AUTS2: variants seen among roughly 807,000 people sequenced by gnomAD.
AUTS2 encodes activator of transcription and developmental regulator AUTS2.
Under a neutral mutation model 112.4 loss-of-function variants are expected in AUTS2, and 17 were observed. The ratio of observed to expected loss-of-function variants is 0.15; its 90% CI spans 0.10 to 0.23. AUTS2 has a LOEUF of 0.23. Ranked by LOEUF, AUTS2 falls within the 10% of genes least tolerant of loss-of-function variation. The pLI is 1.00. For missense variants in AUTS2, 1,510 were observed against 1,701.6 expected, an observed-to-expected ratio of 0.89 and a Z score of 1.98; for synonymous variants, 751 against 702.7, an observed-to-expected ratio of 1.07 and a Z score of -1.09.
chr7:69,911,261 G>A (rs541359320), intron 2 of AUTS2, among the ~76,000 whole-genome samples: 1 of 152,164 alleles, frequency 6.6e-6, no homozygotes, highest in East Asian at 1.9e-4. Context: ...GGGCACCCCT[G>A]TCTGGATGAG....
At chr7:69,924,757 G>A (rs1259418521) in intron 2 of AUTS2, among the ~76,000 whole-genome samples, 3 of 151,920 alleles carry the variant, frequency 2.0e-5, no homozygotes, top group Non-Finnish European at 4.4e-5. Flanking sequence ...CTCCCTGTTG[G>A]TCAGGCTGGT....
At chr7:70,566,356 G>A (rs1801708271) in intron 5 of AUTS2, among the ~76,000 whole-genome samples, 1 of 152,168 alleles carries the variant, frequency 6.6e-6, no homozygotes, top group Non-Finnish European at 1.5e-5. Flanking sequence ...TCCCTGGCCA[G>A]CTTCTACTGG....
At chr7:70,005,832 G>A (rs1437686790) in intron 2 of AUTS2, among the ~76,000 whole-genome samples, 1 of 150,838 alleles carries the variant, frequency 6.6e-6, no homozygotes, top group Non-Finnish European at 1.5e-5. Flanking sequence ...TATATTTTAT[G>A]TGCATGTTCC....
chr7:69,778,608 C>G (rs1193363215), intron 1 of AUTS2, among the ~76,000 whole-genome samples: 1 of 152,022 alleles, frequency 6.6e-6, no homozygotes, highest in Admixed American at 6.6e-5. Flanking sequence ...GTGGACAGAC[C>G]AGAGGAGTTA....
intron 1 of AUTS2, among the ~76,000 whole-genome samples, chr7:69,838,197 A>G (rs1190670440): frequency 2.0e-5 from 3 of 152,200 alleles, no homozygotes; most frequent in Admixed American, 6.5e-5. Context: ...TCAGTGGTCA[A>G]TATTTGAAGT....
chr7:70,701,224 A>C (rs1470192267), intron 6 of AUTS2, among the ~76,000 whole-genome samples: 2 of 152,178 alleles, frequency 1.3e-5, no homozygotes, highest in African/African-American at 4.8e-5. Flanking sequence ...GGGCAGTGCT[A>C]ATCTCACAAG....
intron 5 of AUTS2, among the ~76,000 whole-genome samples, chr7:70,517,162 G>A (rs13230725): frequency 0.24 from 35,997 of 151,962 alleles, 4,396 homozygotes; most frequent in Middle Eastern, 0.35. Flanking sequence ...GTATATAACC[G>A]GACTTGAAAG....
chr7:70,616,040 C>T (rs569878230), intron 5 of AUTS2, among the ~76,000 whole-genome samples: 7 of 152,320 alleles, frequency 4.6e-5, no homozygotes, highest in South Asian at 4.1e-4. Context: ...CCACCACATG[C>T]AGCCCAGAAA....
Position 70,351,327 on chromosome 7 carries a change from T to G in AUTS2, c.661-84425T>G, listed in dbSNP as rs549762142. On this transcript the variant is annotated intron_variant, in intron 4 of 18. Transcript: ENST00000342771. ...CCTCAGCCTCCCAAAGTGTCTGGATTATAGGCGTGAGGCACCGCGCCCAGC... is the reference window on the plus strand; with the variant it reads ...CCTCAGCCTCCCAAAGTGTCTGGATGATAGGCGTGAGGCACCGCGCCCAGC... Among the ~76,000 whole-genome samples the G allele has an allele frequency of 2.0e-5, 3 of 152,312 alleles. No homozygotes were observed. In the South Asian group the frequency reaches 6.2e-4, roughly 32 times the overall value.
At chr7:69,995,265 C>T (rs1422933833) in intron 2 of AUTS2, among the ~76,000 whole-genome samples, 1 of 152,044 alleles carries the variant, frequency 6.6e-6, no homozygotes, top group Non-Finnish European at 1.5e-5. Context: ...TTTTACTCTC[C>T]CTACCCCTAA....
intron 2 of AUTS2, among the ~76,000 whole-genome samples, chr7:70,048,972 C>T (rs1383718109): frequency 6.6e-6 from 1 of 152,042 alleles, no homozygotes; most frequent in Non-Finnish European, 1.5e-5. Context: ...AGTAAGTAGT[C>T]ATGTTTTGTG....
chr7:69,886,710 C>T (rs1794288080), intron 1 of AUTS2, among the ~76,000 whole-genome samples: 1 of 151,746 alleles, frequency 6.6e-6, no homozygotes, highest in Non-Finnish European at 1.5e-5. Context: ...CAACCTTAAC[C>T]AAAGTCACAT....
intron 2 of AUTS2, among the ~76,000 whole-genome samples, chr7:69,931,094 C>T (rs960490764): frequency 1.4e-5 from 2 of 145,766 alleles, no homozygotes; most frequent in South Asian, 4.5e-4. Context: ...CCAGAATGCT[C>T]GTACTGCATT....
chr7:69,715,938 G>T (rs886529599), intron 1 of AUTS2, among the ~76,000 whole-genome samples: 4 of 152,202 alleles, frequency 2.6e-5, no homozygotes, highest in African/African-American at 9.7e-5. Flanking sequence ...CATAGGTGAT[G>T]AAGGTAGGAG....
At chr7:69,613,919 C>T (rs1428760544) in intron 1 of AUTS2, among the ~76,000 whole-genome samples, 1 of 152,118 alleles carries the variant, frequency 6.6e-6, no homozygotes, top group Non-Finnish European at 1.5e-5. Flanking sequence ...TTTCCTCTGT[C>T]ATTGTTTCCT....
At chr7:69,997,644 G>A (rs887125007) in intron 2 of AUTS2, among the ~76,000 whole-genome samples, 70 of 152,252 alleles carry the variant, frequency 4.6e-4, no homozygotes, top group Middle Eastern at 6.8e-3. Context: ...GTGTCAGAAG[G>A]AGCAAGAGAG....
intron 5 of AUTS2, among the ~76,000 whole-genome samples, chr7:70,640,940 C>T (rs933871629): frequency 2.6e-5 from 4 of 152,170 alleles, no homozygotes; most frequent in African/African-American, 4.8e-5. Context: ...TGATCTCCCC[C>T]GTTCCACATG....
chr7:70,056,700 A>G (rs979641509), intron 2 of AUTS2, among the ~76,000 whole-genome samples: 1 of 152,218 alleles, frequency 6.6e-6, no homozygotes, highest in Non-Finnish European at 1.5e-5. Context: ...GAGTGTTAAA[A>G]TGAGCCTTTC....
chr7:69,933,919 C>T (rs1419189572), intron 2 of AUTS2, among the ~76,000 whole-genome samples: 1 of 152,188 alleles, frequency 6.6e-6, no homozygotes, highest in African/African-American at 2.4e-5. Context: ...TCTTTCCGTA[C>T]TTAGAAGACT....
Sources: gnomAD v4.1 joint callset for allele counts (sites outside exome capture counted in the v4.1 genomes callset) on GRCh38, gnomAD v4.1.1 for gene constraint, MANE v1.5 for transcripts, NCBI Gene and HGNC (gene_info 2026-07-23, HGNC 2026-07-21) for gene names.